The following ATAD3B variants were observed in gnomAD, a reference collection of about 807,000 sequenced individuals.
The protein encoded by ATAD3B is ATPase family AAA domain-containing protein 3B.
ATAD3B carries 59 observed loss-of-function variants against 70.2 expected under a neutral mutation model. That is an observed-to-expected ratio of 0.84 (90% CI 0.68 to 1.04). The LOEUF (loss-of-function observed/expected upper bound fraction) is 1.04, where lower values mean the gene tolerates loss of function less well. Among genes scored for constraint, ATAD3B ranks in the 50% least tolerant of loss-of-function variants. The pLI, the probability that ATAD3B is intolerant of heterozygous loss-of-function variation, is 0.00. For synonymous variants in ATAD3B, 423 were observed against 388.6 expected (o/e 1.09, Z -1.04); for missense variants, 961 against 913.4 (o/e 1.05, Z -0.67).
Position 1,495,884 on chromosome 1 carries a change from G to T in ATAD3B, c.*67G>T. The stretch of plus-strand genomic sequence containing the variant: ...GACACTCTTGGGAGATGCATTTTCC[G>T]TCTGGCTCACAGGGGGAGGGTGAGG... On this transcript the variant is annotated 3_prime_UTR_variant, in exon 16 of 16. Transcript: ENST00000673477. The T allele has an allele frequency of 6.7e-7, 1 of 1,482,864 alleles. No homozygotes were observed. The highest frequency in any genetic ancestry group is 8.9e-7 in the Non-Finnish European group (1 of 1,121,782). The allele number at this position is 1,482,864 out of a possible 1,614,324, so 91.9% of individuals were successfully genotyped here. A position where few individuals can be genotyped will look rare whatever the true frequency, so the allele number is the denominator to read the frequency against.
Position 1,490,494 on chromosome 1 carries a change from C to G in ATAD3B, c.1506-69C>G, listed in dbSNP as rs763725855. The G allele has an allele frequency of 7.4e-6, 12 of 1,611,066 alleles. No homozygotes were observed. The Admixed American group carries it at 2.0e-4, about 27-fold the overall frequency. On this transcript the variant is annotated intron_variant, in intron 14 of 15. Transcript: ENST00000673477. ...GCATGGGTGTAGGCCAGCTGCCTGT[C>G]TTCCGGCCTCCACCTCATGGTGTGG...
rs748131185 is a variant in ATAD3B, at chr1:1,485,078, T to C, written c.813T>C (p.Thr271=). ...VYSAKNATAV[T]GRFIEARLGK... ...CAGCCAAGAATGCGACAGCCGTCAC[T>C]GGCCGCTTCATCGAGGCTCGGCTGG... Residue 271 remains threonine, a synonymous_variant, in exon 8 of 16, where the codon ACT becomes ACC. Transcript: ENST00000673477. 6.8e-6 allele frequency: 11 copies of C among 1,607,558 alleles called. No homozygotes were observed. Among genetic ancestry groups the C allele is most frequent in the African/African-American group, 5.4e-5 (4 of 74,456 alleles).
chr1:1,486,462 C>A, intron 10 of ATAD3B, 82 bp from the exon 11 acceptor site: 1 of 1,610,420 alleles, frequency 6.2e-7, no homozygotes. Flanking sequence ...CCGGCAGGGG[C>A]TCCACACTCC....
At chr1:1,503,908 C>T in the ATAD3B span, among the ~76,000 whole-genome samples, 1 of 152,174 alleles carries the variant, frequency 6.6e-6, no homozygotes, top group Admixed American at 6.5e-5. Context: ...GGATGGGGAT[C>T]TTCTTGACAT....
chr1:1,477,350 A>C lies in ATAD3B; in HGVS notation c.282A>C (p.Lys94Asn). 6.2e-7 allele frequency: 1 copy of C among 1,612,090 alleles called. No homozygotes were observed. ...AGTTGGAGCAACAGTCCAAGCTCAAAGTGAGTGGGGCCGGTGTGGGCGAGG... is the reference window on the plus strand; with the variant it reads ...AGTTGGAGCAACAGTCCAAGCTCAACGTGAGTGGGGCCGGTGTGGGCGAGG... ...TLQLEQQSKLKEYEAAVEQLK... is the reference protein window; with the variant it reads ...TLQLEQQSKLNEYEAAVEQLK... The change falls in exon 2 of 16, where the codon AAA (lysine) becomes AAC (asparagine). Residue 94 changes from lysine to asparagine, a missense_variant and splice_region_variant. Lys to Asn is a moderately conservative substitution (Grantham distance 94). Around this residue, in one of 4 missense-constraint regions of ATAD3B, gnomAD observed 187 missense variants for 244.3 expected, o/e 0.77. Transcript: ENST00000673477.
the ATAD3B span, among the ~76,000 whole-genome samples, chr1:1,503,967 G>T: frequency 2.0e-5 from 3 of 151,940 alleles, no homozygotes; most frequent in Non-Finnish European, 2.9e-5. Flanking sequence ...GCATTGCATT[G>T]CATTGCATTG....
intron 15 of ATAD3B, among the ~76,000 whole-genome samples, 168 bp from the exon 16 acceptor site, chr1:1,495,317 A>G (rs373968684): frequency 0.014 from 2,140 of 151,980 alleles, 40 homozygotes; most frequent in South Asian, 0.026. Flanking sequence ...GGCCGCTCCC[A>G]GTGTCCACAC....
At chr1:1,490,698 C>T (rs1179789876) in intron 15 of ATAD3B, 27 bp downstream of exon 15, 8 of 1,550,926 alleles carry the variant, frequency 5.2e-6, no homozygotes, top group Non-Finnish European at 6.1e-6. Flanking sequence ...CACGTCCACC[C>T]AGACGGGACC....
intron 7 of ATAD3B, chr1:1,484,616 C>T (rs1333357053): frequency 5.2e-6 from 1 of 191,336 alleles, no homozygotes; most frequent in South Asian, 1.2e-4. Flanking sequence ...CCTGGCCAGC[C>T]TAAACGATTT....
At chr1:1,488,963 A>C (rs1640381747) in intron 12 of ATAD3B, among the ~76,000 whole-genome samples, 1 of 151,734 alleles carries the variant, frequency 6.6e-6, no homozygotes, top group Non-Finnish European at 1.5e-5. Flanking sequence ...GGGTCTCACC[A>C]TGTTGGCCAG....
rs758760688 is a variant in ATAD3B, at chr1:1,485,064, G to T, written c.799G>T (p.Ala267Ser). The part of the protein sequence containing the change: ...LAVGVYSAKN[A>S]TAVTGRFIEA... ...TGTCGGGGTCTACTCAGCCAAGAAT[G>T]CGACAGCCGTCACTGGCCGCTTCAT... The change falls in exon 8 of 16, where the codon GCG becomes TCG. Residue 267 changes from alanine (A) to serine (S), a missense_variant. By Grantham distance (99) the Ala-to-Ser change is moderately conservative. Coordinates refer to ENST00000673477, the MANE Select transcript of ATAD3B (RefSeq NM_031921.6). The T allele has an allele frequency of 6.2e-7, 1 of 1,607,146 alleles. No individual in the cohort carries two copies. Among genetic ancestry groups the T allele is most frequent in the Non-Finnish European group, 8.5e-7 (1 of 1,178,128 alleles).
chr1:1,484,621 C>G (rs915456539), intron 7 of ATAD3B: 2 of 193,644 alleles, frequency 1.0e-5, no homozygotes, highest in South Asian at 1.3e-4. Flanking sequence ...CCAGCCTAAA[C>G]GATTTTTAAA....
chr1:1,484,849 C>G, intron 7 of ATAD3B, 167 bp from the exon 8 acceptor site: 1 of 1,408,490 alleles, frequency 7.1e-7, no homozygotes. Flanking sequence ...CCTGTAACCG[C>G]GTGGCTGTGG....
rs140391164 is a variant in ATAD3B, at chr1:1,490,660, G to C, written c.1603G>C (p.Val535Leu). 392 of 1,591,656 alleles carry C rather than the reference G, an allele frequency of 2.5e-4. 9 individuals are homozygous for C. Among genetic ancestry groups the C allele is most frequent in the Non-Finnish European group, 3.2e-4 (372 of 1,170,338 alleles). Residue 535 changes from valine to leucine, a missense_variant, in exon 15 of 16, where the codon GTG becomes CTG. This residue lies in a region of ATAD3B where 417 missense variants were observed against 335.0 expected (regional missense o/e 1.24). Transcript: ENST00000673477. Reference sequence around the variant, plus strand: ...GGGCCGGGAGATCGCTCAGCTGGCCGTGTCCTGGCAGGTGAGTCAGGCTCC... The same window carrying C: ...GGGCCGGGAGATCGCTCAGCTGGCCCTGTCCTGGCAGGTGAGTCAGGCTCC... Reference protein sequence around the residue: ...MSGREIAQLAVSWQATAYASK... With the variant: ...MSGREIAQLALSWQATAYASK...
In ATAD3B at chr1:1,480,467, C is replaced by T. The variant is rs1045723630; in HGVS notation, c.445-400C>T. Among the ~76,000 whole-genome samples the T allele has an allele frequency of 1.4e-4, 21 of 147,088 alleles. 2 individuals carry two copies. Among genetic ancestry groups the T allele is most frequent in the Non-Finnish European group, 2.4e-4 (16 of 67,126 alleles). On this transcript the variant is annotated intron_variant, in intron 4 of 15. Coordinates refer to ENST00000673477, the MANE Select transcript of ATAD3B (RefSeq NM_031921.6). ...CATCTGTTCCCTGGTCCTTAGGGAC[C>T]GTCACCTTCAGTCCTGAGCTCGCAG... is the stretch of plus-strand genomic sequence containing the variant.
intron 10 of ATAD3B, 83 bp downstream of exon 10, chr1:1,486,318 G>A (rs1186671352): frequency 6.2e-7 from 1 of 1,605,940 alleles, no homozygotes; most frequent in Non-Finnish European, 8.5e-7. Flanking sequence ...TCAGCCGCCT[G>A]GGGAATGGAC....
rs1378351598 is a variant in ATAD3B, at chr1:1,477,359, G to C, written c.282+9G>C. ...AACAGTCCAAGCTCAAAGTGAGTGG[G>C]GCCGGTGTGGGCGAGGAGGCCGGGG... On this transcript the variant is annotated intron_variant, in intron 2 of 15. Coordinates refer to ENST00000673477, the MANE Select transcript of ATAD3B (RefSeq NM_031921.6). 1 of 1,612,010 alleles carries C rather than the reference G, an allele frequency of 6.2e-7. No individual in the cohort carries two copies. The highest frequency in any genetic ancestry group is 2.2e-5 in the East Asian group (1 of 44,882).
At chr1:1,498,442 CAG>C (rs1179411262), downstream of ATAD3B, among the ~76,000 whole-genome samples, 2 of 151,548 alleles carry the variant, frequency 1.3e-5, no homozygotes, top group South Asian at 2.1e-4. Flanking sequence ...GCCTGGGTGA[CAG>C]AGTGAGACCC....
At chr1:1,487,777 C>T (rs1056938667) in intron 11 of ATAD3B, 86 bp from the exon 12 acceptor site, 53 of 1,525,624 alleles carry the variant, frequency 3.5e-5, no homozygotes, top group African/African-American at 2.2e-4. Flanking sequence ...ATCTGCCTGC[C>T]TGGCCTGCTC....
Sources: allele counts gnomAD v4.1 joint callset (sites outside exome capture counted in the v4.1 genomes callset), GRCh38; gene constraint gnomAD v4.1.1; regional missense constraint gnomAD v4.1.1; transcripts MANE v1.5; gene names NCBI Gene and HGNC (gene_info 2026-07-23, HGNC 2026-07-21).